Variants in ALPK2 observed in about 807,000 individuals in gnomAD.
ALPK2 encodes alpha-protein kinase 2.
ALPK2 carries 127 observed loss-of-function variants against 163.1 expected under a neutral mutation model. That is an observed-to-expected ratio of 0.78 (90% confidence interval 0.67 to 0.90). The LOEUF (loss-of-function observed/expected upper bound fraction) is 0.90. ALPK2 is among the 40% of genes least tolerant of loss of function. The pLI, the probability that ALPK2 is intolerant of heterozygous loss-of-function variation, is 0.00. For synonymous variants in ALPK2, 953 were observed against 959.1 expected (o/e 0.99, Z 0.12); for missense variants, 2,360 against 2,589.6 (o/e 0.91, Z 1.92).
In ALPK2 at chr18:58,596,252, G is replaced by A. The variant is rs547580367; in HGVS notation, c.227+11070C>T. ...AGTCAGTGGCTTCCCTTCGTCTGCC[G>A]TTCTGTTGTCAGGGCCTCGGTGCTG... On this transcript the variant is annotated intron_variant, in intron 3 of 12. Coordinates refer to ENST00000361673, the MANE Select transcript of ALPK2 (RefSeq NM_052947.4). 1.3e-4 allele frequency among the ~76,000 whole-genome samples: 20 copies of A among 152,318 alleles called. No homozygotes were observed. The South Asian group carries it at 2.3e-3, about 17-fold the overall frequency.
chr18:58,627,299 A>G (rs995296185), intron 1 of ALPK2, among the ~76,000 whole-genome samples: 1 of 152,226 alleles, frequency 6.6e-6, no homozygotes, highest in Non-Finnish European at 1.5e-5. Context: ...TCCCAAAATT[A>G]TGATTAAATG....
At chr18:58,603,733 G>A (rs78844726) in intron 3 of ALPK2, among the ~76,000 whole-genome samples, 18,347 of 99,940 alleles carry the variant, frequency 0.18, 1,150 homozygotes, top group South Asian at 0.31. Context: ...TATACACATC[G>A]TTGCAATTTG....
At chr18:58,588,767 G>A (rs1383752084) in intron 3 of ALPK2, among the ~76,000 whole-genome samples, 3 of 152,138 alleles carry the variant, frequency 2.0e-5, no homozygotes, top group African/African-American at 7.2e-5. Context: ...ACATGATCTT[G>A]TTCCTTTTTA....
intron 4 of ALPK2, among the ~76,000 whole-genome samples, chr18:58,571,849 G>A (rs552348973): frequency 3.9e-5 from 6 of 151,996 alleles, no homozygotes; most frequent in South Asian, 2.1e-4. Context: ...GGTGGCAGGC[G>A]CCTGTAATCC....
At chr18:58,564,120 G>GTTTTTTTTTTTTTT in intron 4 of ALPK2, among the ~76,000 whole-genome samples, 1 of 42,856 alleles carries the variant, frequency 2.3e-5, no homozygotes, top group African/African-American at 1.3e-4. Flanking sequence ...TGATGTCTTT[G>GTTTTTTTTTTTTTT]TTCTTTTTTT....
At chr18:58,546,795 G>A (rs1322655296) in intron 4 of ALPK2, among the ~76,000 whole-genome samples, 1 of 152,178 alleles carries the variant, frequency 6.6e-6, no homozygotes, top group East Asian at 1.9e-4. Flanking sequence ...TCTGGGAAAT[G>A]AGAGAGACAG....
At chr18:58,623,572 C>G (rs2052213553) in intron 1 of ALPK2, among the ~76,000 whole-genome samples, 1 of 152,156 alleles carries the variant, frequency 6.6e-6, no homozygotes, top group Admixed American at 6.5e-5. Context: ...CTCAAGCAAT[C>G]CTCCCTCCTC....
At chr18:58,574,438 C>CAAA (rs34107333) in intron 4 of ALPK2, among the ~76,000 whole-genome samples, 20 of 49,318 alleles carry the variant, frequency 4.1e-4, no homozygotes, top group African/African-American at 6.3e-4. Context: ...GACTCCATCT[C>CAAA]AAAAAAAAAA....
chr18:58,515,497 C>T (rs899551516), intron 9 of ALPK2, among the ~76,000 whole-genome samples: 2 of 152,320 alleles, frequency 1.3e-5, no homozygotes, highest in South Asian at 2.1e-4. Flanking sequence ...ATGAACAGCA[C>T]AGGATTTCTG....
chr18:58,483,197 TA>T (rs1422611235), intron 12 of ALPK2, among the ~76,000 whole-genome samples: 1 of 152,180 alleles, frequency 6.6e-6, no homozygotes, highest in Non-Finnish European at 1.5e-5. Context: ...CCCATGGGGA[TA>T]AACACTTTGA....
At chr18:58,489,332 G>A (rs2051359284) in intron 12 of ALPK2, among the ~76,000 whole-genome samples, 1 of 152,204 alleles carries the variant, frequency 6.6e-6, no homozygotes, top group Non-Finnish European at 1.5e-5. Context: ...ATGAGCAACA[G>A]TCCCACAAGA....
At position 58,481,959 on chromosome 18, in the gene ALPK2, T is replaced by A. The variant is rs746941035; in HGVS notation, c.6377A>T (p.Lys2126Ile). The change falls in exon 13 of 13, where the codon AAA (lysine) becomes ATA (isoleucine). Residue 2126 changes from lysine to isoleucine, a missense_variant. Coordinates refer to ENST00000361673, the MANE Select transcript of ALPK2 (RefSeq NM_052947.4). ...TTGAAGGGATTTCAGTCCCAGCATT[T>A]TGCAATACTTGTTACACTGGTGTAG... The part of the protein sequence containing the change: ...KALHQCNKYC[K>I]MLGLKSLQNN... 2 of 1,614,234 alleles carry A rather than the reference T, an allele frequency of 1.2e-6. No homozygotes were observed. Among genetic ancestry groups the A allele is most frequent in the South Asian group, 2.2e-5 (2 of 91,084 alleles).
chr18:58,622,811 C>T (rs1388993674), intron 1 of ALPK2, among the ~76,000 whole-genome samples: 2 of 152,136 alleles, frequency 1.3e-5, no homozygotes, highest in African/African-American at 4.8e-5. Flanking sequence ...TATGTTCCCA[C>T]CCTCACTCCC....
intron 3 of ALPK2, among the ~76,000 whole-genome samples, chr18:58,599,108 C>A (rs2052056075): frequency 6.6e-6 from 1 of 152,144 alleles, no homozygotes; most frequent in African/African-American, 2.4e-5. Context: ...AGCAGCCACC[C>A]AAGTCCCGTC....
At position 58,537,725 on chromosome 18, in the gene ALPK2, G is replaced by T. The variant is rs766680753; in HGVS notation, c.2462C>A (p.Ser821Tyr). 7 of 1,614,148 alleles carry T rather than the reference G, an allele frequency of 4.3e-6. No homozygotes were observed. The Admixed American group carries it at 1.0e-4, about 23-fold the overall frequency. ...TTTATCAACTGGTCTCCCAACAAGA[G>T]AATCTATGGTATCAAAACACGTTCC... ...DQGTCFDTID[S>Y]LVGRPVDKYS... The change falls in exon 5 of 13, where the codon TCT becomes TAT. Residue 821 changes from serine (S) to tyrosine (Y), a missense_variant. Ser to Tyr is a moderately radical substitution (Grantham distance 144). Coordinates refer to ENST00000361673, the MANE Select transcript of ALPK2 (RefSeq NM_052947.4).
chr18:58,626,086 C>T (rs1219282086), intron 1 of ALPK2, among the ~76,000 whole-genome samples: 5 of 152,196 alleles, frequency 3.3e-5, no homozygotes, highest in Non-Finnish European at 7.3e-5. Context: ...CCCAGAGTAA[C>T]GTATCCTGGG....
intron 1 of ALPK2, among the ~76,000 whole-genome samples, chr18:58,614,468 C>A (rs1171645289): frequency 6.6e-6 from 1 of 152,168 alleles, no homozygotes; most frequent in African/African-American, 2.4e-5. Flanking sequence ...GCATAGTAAT[C>A]CCCTCTCAGC....
chr18:58,603,546 T>C (rs1284439632), intron 3 of ALPK2, among the ~76,000 whole-genome samples: 2 of 152,158 alleles, frequency 1.3e-5, no homozygotes, highest in African/African-American at 4.8e-5. Context: ...CCCCTTCCCC[T>C]TCCTTCCACC....
At chr18:58,581,290 T>C (rs930123117) in intron 3 of ALPK2, among the ~76,000 whole-genome samples, 6 of 152,182 alleles carry the variant, frequency 3.9e-5, no homozygotes, top group Non-Finnish European at 8.8e-5. Flanking sequence ...TAAGAGGGTG[T>C]CATTCTTGCT....
Sources: allele counts gnomAD v4.1 joint callset (sites outside exome capture counted in the v4.1 genomes callset), GRCh38; gene constraint gnomAD v4.1.1; transcripts MANE v1.5; gene names NCBI Gene and HGNC (gene_info 2026-07-23, HGNC 2026-07-21).